The following STXBP5L variants were observed in gnomAD, a reference collection of about 807,000 sequenced individuals.
STXBP5L encodes syntaxin-binding protein 5-like.
Under a neutral mutation model 144.5 loss-of-function variants are expected in STXBP5L, and 65 were observed. The observed-to-expected ratio is 0.45, with a 90% CI of 0.37 to 0.55. The LOEUF is 0.55. Ranked by LOEUF, STXBP5L falls within the 20% of genes least tolerant of loss-of-function variation. The pLI is 0.00. For missense variants in STXBP5L, 1,298 were observed against 1,405.5 expected, an observed-to-expected ratio of 0.92 and a Z score of 1.22; for synonymous variants, 505 against 469.6, an observed-to-expected ratio of 1.08 and a Z score of -0.97.
chr3:121,084,530 C>T (rs766562178), intron 5 of STXBP5L, among the ~76,000 whole-genome samples: 12 of 152,144 alleles, frequency 7.9e-5, no homozygotes, highest in African/African-American at 1.9e-4. Flanking sequence ...CTGCAAAGGA[C>T]GTGATCTCAT....
chr3:121,019,395 T>C (rs1945381120), intron 3 of STXBP5L, among the ~76,000 whole-genome samples: 1 of 152,186 alleles, frequency 6.6e-6, no homozygotes, highest in African/African-American at 2.4e-5. Flanking sequence ...GGCAAGCTTG[T>C]ATCCTCCCTA....
intron 2 of STXBP5L, among the ~76,000 whole-genome samples, chr3:120,911,623 T>TA (rs1253237496): frequency 1.3e-5 from 2 of 152,028 alleles, no homozygotes; most frequent in Non-Finnish European, 2.9e-5. Context: ...TTAAAGTTTG[T>TA]AAAATCACGT....
chr3:121,245,798 T>C (rs1036197695), intron 14 of STXBP5L, among the ~76,000 whole-genome samples: 1 of 151,974 alleles, frequency 6.6e-6, no homozygotes, highest in African/African-American at 2.4e-5. Context: ...GAAGCAAACA[T>C]TGACAAAATT....
intron 3 of STXBP5L, among the ~76,000 whole-genome samples, chr3:121,028,157 ATTTGT>A (rs1341798452): frequency 6.6e-6 from 1 of 152,092 alleles, no homozygotes; most frequent in Non-Finnish European, 1.5e-5. Flanking sequence ...ATTAGAATTA[ATTTGT>A]TTTCACAGCT....
intron 5 of STXBP5L, among the ~76,000 whole-genome samples, chr3:121,069,254 G>A (rs2041694857): frequency 6.6e-6 from 1 of 152,160 alleles, no homozygotes; most frequent in Non-Finnish European, 1.5e-5. Context: ...ATCATACAAT[G>A]TGTAACTTTT....
chr3:121,074,146 G>T (rs749580590), intron 5 of STXBP5L, among the ~76,000 whole-genome samples: 3 of 152,104 alleles, frequency 2.0e-5, no homozygotes, highest in Non-Finnish European at 2.9e-5. Flanking sequence ...TTGAATCCTT[G>T]GGGGAGCCTG....
intron 2 of STXBP5L, among the ~76,000 whole-genome samples, chr3:120,929,901 G>A (rs1229964594): frequency 6.6e-6 from 1 of 150,934 alleles, no homozygotes; most frequent in African/African-American, 2.4e-5. Context: ...TTTATGAATT[G>A]TCCTTTCATA....
At chr3:121,305,447 A>G (rs1423312473) in intron 19 of STXBP5L, among the ~76,000 whole-genome samples, 1 of 152,172 alleles carries the variant, frequency 6.6e-6, no homozygotes, top group South Asian at 2.1e-4. Flanking sequence ...AACATATAAA[A>G]GAAAGATAAA....
intron 3 of STXBP5L, among the ~76,000 whole-genome samples, chr3:121,035,876 A>G (rs369702587): frequency 6.6e-6 from 1 of 152,228 alleles, no homozygotes; most frequent in South Asian, 2.1e-4. Context: ...ATCTTCATTT[A>G]TTTTGGTCTT....
intron 20 of STXBP5L, among the ~76,000 whole-genome samples, chr3:121,323,746 G>T (rs977559095): frequency 1.2e-4 from 14 of 118,982 alleles, no homozygotes; most frequent in Admixed American, 2.3e-4. Flanking sequence ...TTTAAAGGCT[G>T]TACAACCTTT....
intron 20 of STXBP5L, among the ~76,000 whole-genome samples, chr3:121,360,392 CT>C (rs1239124892): frequency 1.3e-5 from 2 of 151,822 alleles, no homozygotes; most frequent in Non-Finnish European, 2.9e-5. Flanking sequence ...AATCCATTTA[CT>C]TTCAAAGTAA....
chr3:121,253,962 T>C (rs987316994), intron 15 of STXBP5L, among the ~76,000 whole-genome samples: 1 of 151,916 alleles, frequency 6.6e-6, no homozygotes, highest in Non-Finnish European at 1.5e-5. Context: ...CGCAAATTAA[T>C]ATTCTTTACG....
chr3:121,280,542 C>T (rs975470099), intron 19 of STXBP5L, among the ~76,000 whole-genome samples: 4 of 151,722 alleles, frequency 2.6e-5, no homozygotes, highest in African/African-American at 9.7e-5. Flanking sequence ...ATGTATTTAA[C>T]TATAAAAGAA....
At chr3:121,060,677 G>C (rs1331472700) in intron 5 of STXBP5L, among the ~76,000 whole-genome samples, 2 of 152,076 alleles carry the variant, frequency 1.3e-5, no homozygotes, top group Non-Finnish European at 2.9e-5. Context: ...TCAGGGATTC[G>C]ACTTCTTCCT....
intron 5 of STXBP5L, among the ~76,000 whole-genome samples, chr3:121,092,091 T>C (rs965094456): frequency 1.3e-5 from 2 of 152,212 alleles, no homozygotes; most frequent in Non-Finnish European, 2.9e-5. Context: ...GTTGTAGATA[T>C]GCAGCGTTAT....
chr3:121,231,543 C>T (rs908563736), intron 11 of STXBP5L, among the ~76,000 whole-genome samples: 2 of 152,122 alleles, frequency 1.3e-5, no homozygotes, highest in African/African-American at 4.8e-5. Flanking sequence ...CACTGTTGTA[C>T]CTTTATGGCT....
At chr3:121,348,937 T>A (rs529217640) in intron 20 of STXBP5L, among the ~76,000 whole-genome samples, 2 of 152,152 alleles carry the variant, frequency 1.3e-5, no homozygotes, top group Non-Finnish European at 2.9e-5. Flanking sequence ...TTTTGAAGGG[T>A]TTTTTGTGTG....
intron 20 of STXBP5L, among the ~76,000 whole-genome samples, chr3:121,345,720 A>G (rs1026690269): frequency 1.3e-5 from 2 of 152,110 alleles, no homozygotes; most frequent in Non-Finnish European, 2.9e-5. Flanking sequence ...ATGAGATGGT[A>G]TCTCATTGTG....
chr3:120,991,876 G>T (rs1942918239), intron 3 of STXBP5L, among the ~76,000 whole-genome samples: 1 of 152,088 alleles, frequency 6.6e-6, no homozygotes, highest in African/African-American at 2.4e-5. Context: ...ACGAGTTAAT[G>T]GGTGCAGCAT....
Sources: gnomAD v4.1 joint callset for allele counts (sites outside exome capture counted in the v4.1 genomes callset) on GRCh38, gnomAD v4.1.1 for gene constraint, MANE v1.5 for transcripts, NCBI Gene and HGNC (gene_info 2026-07-23, HGNC 2026-07-21) for gene names.